Variants in MAP7 observed in about 807,000 individuals in gnomAD.
The protein encoded by MAP7 is microtubule associated protein 7.
In MAP7, 52 loss-of-function variants were observed where a neutral mutation model predicts 94.8. The observed-to-expected ratio is 0.55, with a 90% confidence interval of 0.44 to 0.69. The LOEUF (loss-of-function observed/expected upper bound fraction) is 0.69, where lower values mean the gene tolerates loss of function less well. MAP7 is among the 30% of genes least tolerant of loss of function. The probability of loss-of-function intolerance (pLI) is 0.00; values close to 1 mark genes in which losing one functional copy is unlikely to be tolerated. For missense variants in MAP7, 940 were observed against 964.6 expected (o/e 0.97, Z 0.34); for synonymous variants, 350 against 357.0 (o/e 0.98, Z 0.22).
At chr6:136,465,543 T>A (rs1806730612) in intron 1 of MAP7, among the ~76,000 whole-genome samples, 1 of 152,230 alleles carries the variant, frequency 6.6e-6, no homozygotes, top group Non-Finnish European at 1.5e-5. Context: ...AGTTAGCCGA[T>A]TAAATATCAG....
At chr6:136,434,266 C>G (rs1795752848) in intron 1 of MAP7, among the ~76,000 whole-genome samples, 1 of 146,892 alleles carries the variant, frequency 6.8e-6, no homozygotes. Flanking sequence ...AAGATCGCAC[C>G]ACTGCACTCC....
At chr6:136,529,853 C>A (rs12110849) in intron 1 of MAP7, among the ~76,000 whole-genome samples, 6,039 of 152,272 alleles carry the variant, frequency 0.04, 386 homozygotes, top group African/African-American at 0.13. Flanking sequence ...GTCCTCCTAC[C>A]CTGGCTGGTT....
At chr6:136,437,311 A>G (rs767237062) in intron 1 of MAP7, among the ~76,000 whole-genome samples, 6 of 152,180 alleles carry the variant, frequency 3.9e-5, no homozygotes, top group Non-Finnish European at 7.3e-5. Flanking sequence ...CCCGGCAGGA[A>G]CCAATGCAGG....
chr6:136,425,323 A>G (rs2128786550), intron 1 of MAP7, among the ~76,000 whole-genome samples: 1 of 152,374 alleles, frequency 6.6e-6, no homozygotes, highest in East Asian at 1.9e-4. Flanking sequence ...CTTCTCGGCT[A>G]CAGTCTTCAA....
intron 1 of MAP7, among the ~76,000 whole-genome samples, chr6:136,446,397 A>G (rs1487049784): frequency 6.6e-6 from 1 of 152,204 alleles, no homozygotes; most frequent in Non-Finnish European, 1.5e-5. Context: ...GAGAAGGGAC[A>G]CACCACCATC....
intron 1 of MAP7, among the ~76,000 whole-genome samples, chr6:136,519,448 A>G (rs1007055943): frequency 6.6e-6 from 1 of 152,260 alleles, no homozygotes; most frequent in African/African-American, 2.4e-5. Flanking sequence ...AAGGAGATAT[A>G]TGAGAATGAT....
chr6:136,455,580 A>G, intron 1 of MAP7, among the ~76,000 whole-genome samples: 1 of 152,226 alleles, frequency 6.6e-6, no homozygotes, highest in Middle Eastern at 3.2e-3. Flanking sequence ...ATTTAAGAAG[A>G]CTGAAATGAC....
intron 16 of MAP7, among the ~76,000 whole-genome samples, chr6:136,353,519 A>T (rs575122600): frequency 1.3e-5 from 2 of 152,270 alleles, no homozygotes; most frequent in African/African-American, 4.8e-5. Context: ...GAAAAACATC[A>T]TTCTTCACAA....
At chr6:136,474,049 G>A (rs1181087622) in intron 1 of MAP7, among the ~76,000 whole-genome samples, 1 of 152,020 alleles carries the variant, frequency 6.6e-6, no homozygotes, top group Non-Finnish European at 1.5e-5. Context: ...AGGTTAAGGA[G>A]GACCCAGTAA....
At chr6:136,434,598 AT>A (rs3839511) in intron 1 of MAP7, among the ~76,000 whole-genome samples, 6,262 of 145,412 alleles carry the variant, frequency 0.043, 267 homozygotes, top group African/African-American at 0.11. Context: ...TAGGCAAGGA[AT>A]TTTTTTTTTT....
intron 1 of MAP7, among the ~76,000 whole-genome samples, chr6:136,508,409 G>A (rs1333846923): frequency 6.6e-6 from 1 of 152,166 alleles, no homozygotes; most frequent in Non-Finnish European, 1.5e-5. Context: ...GAGTCCTGAA[G>A]CATCGCTGTG....
chr6:136,384,092 A>G (rs1582745647), intron 5 of MAP7, among the ~76,000 whole-genome samples: 1 of 152,338 alleles, frequency 6.6e-6, no homozygotes, highest in Non-Finnish European at 1.5e-5. Flanking sequence ...GCACACTATG[A>G]AGCAAAAGAG....
chr6:136,511,417 G>C (rs1396693509), intron 1 of MAP7, among the ~76,000 whole-genome samples: 1 of 152,118 alleles, frequency 6.6e-6, no homozygotes, highest in Non-Finnish European at 1.5e-5. Context: ...TTGCCACTTT[G>C]CATCTTTACA....
intron 2 of MAP7, 148 bp downstream of exon 2, chr6:136,421,553 T>G: frequency 1.6e-6 from 1 of 638,554 alleles, no homozygotes; most frequent in Admixed American, 2.8e-5. Context: ...GAGTGTGTGT[T>G]TGGTGGCAGG....
chr6:136,444,521 G>A (rs756123471), intron 1 of MAP7, among the ~76,000 whole-genome samples: 1 of 152,142 alleles, frequency 6.6e-6, no homozygotes, highest in Non-Finnish European at 1.5e-5. Context: ...AGAATTTGAT[G>A]GGAACTGACC....
intron 1 of MAP7, among the ~76,000 whole-genome samples, chr6:136,529,047 A>G (rs1466759276): frequency 1.3e-5 from 2 of 152,158 alleles, no homozygotes; most frequent in Non-Finnish European, 2.9e-5. Flanking sequence ...GATCCAAACC[A>G]AAGGCAAATA....
In MAP7 at chr6:136,550,247, G is replaced by C. The variant is rs1478813833; in HGVS notation, c.67+95C>G. ...GCCGCGGCCGCGCGGGCGGGGAGGG[G>C]GCTGCCGGCGCCGGGTGATTTCGGT... On this transcript the variant is annotated intron_variant, in intron 1 of 17. Transcript: ENST00000354570. This position sits in a 1 kb window ranked among gnomAD's most constrained non-coding sequence, Gnocchi z 5.1. 3.5e-6 allele frequency: 4 copies of C among 1,135,566 alleles called. No homozygotes were observed. Among genetic ancestry groups the C allele is most frequent in the Non-Finnish European group, 4.5e-6 (4 of 880,114 alleles). The allele number at this position is 1,135,566 out of a possible 1,614,324, so 70.3% of individuals were successfully genotyped here.
At chr6:136,404,653 T>C (rs756700365) in intron 3 of MAP7, among the ~76,000 whole-genome samples, 4 of 152,220 alleles carry the variant, frequency 2.6e-5, no homozygotes, top group Non-Finnish European at 5.9e-5. Flanking sequence ...ATTTGACTCT[T>C]CATATAAAAA....
intron 1 of MAP7, among the ~76,000 whole-genome samples, chr6:136,445,487 C>T (rs1799057679): frequency 6.6e-6 from 1 of 152,182 alleles, no homozygotes; most frequent in Non-Finnish European, 1.5e-5. Flanking sequence ...TCTTTGCATC[C>T]TTACTCTCTT....
Sources: gnomAD v4.1 joint callset for allele counts (sites outside exome capture counted in the v4.1 genomes callset) on GRCh38, gnomAD v4.1.1 for gene constraint, Gnocchi (gnomAD v3.1) non-coding constraint, MANE v1.5 for transcripts, NCBI Gene and HGNC (gene_info 2026-07-23, HGNC 2026-07-21) for gene names.